PVT1: variants seen among roughly 807,000 people sequenced by gnomAD.
The protein encoded by PVT1 is Pvt1 oncogene, also known as CXCR4/PVT1 fusion.
At chr8:127,965,436 G>A (rs901489329) in intron 3 of PVT1, among the ~76,000 whole-genome samples, 1 of 152,196 alleles carries the variant, frequency 6.6e-6, no homozygotes, top group Non-Finnish European at 1.5e-5. Context: ...GTTATGATTG[G>A]TTTCTCAGGC....
chr8:128,078,793 T>G (rs969430760), intron 5 of PVT1, among the ~76,000 whole-genome samples: 3 of 152,182 alleles, frequency 2.0e-5, no homozygotes, highest in Non-Finnish European at 4.4e-5. Context: ...TTATGTCCGT[T>G]TATACCAGTG....
intron 3 of PVT1, among the ~76,000 whole-genome samples, chr8:127,973,830 A>C (rs569866701): frequency 4.6e-5 from 7 of 151,916 alleles, no homozygotes; most frequent in Non-Finnish European, 1.0e-4. Flanking sequence ...ATACAAAAAA[A>C]TTAGCCGGGC....
chr8:128,078,642 T>A (rs1814125361), intron 5 of PVT1, among the ~76,000 whole-genome samples: 2 of 151,902 alleles, frequency 1.3e-5, no homozygotes, highest in Non-Finnish European at 2.9e-5. Context: ...AATCGTAGAC[T>A]ATATATATAT....
intron 4 of PVT1, among the ~76,000 whole-genome samples, chr8:128,000,936 C>G (rs995845697): frequency 1.3e-5 from 2 of 152,218 alleles, no homozygotes; most frequent in African/African-American, 4.8e-5. Context: ...CCCCTTGTGC[C>G]TTTTCCATGT....
At chr8:128,078,264 C>T (rs1237056339) in intron 5 of PVT1, among the ~76,000 whole-genome samples, 2 of 152,176 alleles carry the variant, frequency 1.3e-5, no homozygotes, top group Non-Finnish European at 2.9e-5. Flanking sequence ...TACATAAATG[C>T]TTGCTGGGTA....
chr8:127,949,582 G>A (rs1816478624), intron 3 of PVT1, among the ~76,000 whole-genome samples: 1 of 147,316 alleles, frequency 6.8e-6, no homozygotes, highest in South Asian at 2.2e-4. Flanking sequence ...AATTGACTTT[G>A]GCTCCTGTCC....
chr8:127,855,439 C>T (rs1392166198), intron 2 of PVT1: 3 of 376,022 alleles, frequency 8.0e-6, no homozygotes, highest in Admixed American at 9.1e-5. Context: ...CTTAGAGAAA[C>T]CCTCTAGGGT....
chr8:127,826,761 A>G (rs1177561415), intron 2 of PVT1, among the ~76,000 whole-genome samples: 1 of 152,216 alleles, frequency 6.6e-6, no homozygotes, highest in East Asian at 1.9e-4. Context: ...ACTTTTTTAC[A>G]GTCCTGTTGG....
intron 3 of PVT1, among the ~76,000 whole-genome samples, chr8:127,926,354 C>T (rs575372106): frequency 1.3e-5 from 2 of 152,322 alleles, no homozygotes; most frequent in South Asian, 2.1e-4. Context: ...CCTCCCTGGA[C>T]CGGTACACTC....
At chr8:128,012,200 GGTTGGCAGAAGAGGAATAC>G (rs1219535219) in intron 4 of PVT1, among the ~76,000 whole-genome samples, 2 of 152,260 alleles carry the variant, frequency 1.3e-5, no homozygotes, top group South Asian at 2.1e-4. Context: ...GTGGTACCTT[GGTTGGCAGAAGAGGAATAC>G]ATGGGCAGAG....
intron 5 of PVT1, among the ~76,000 whole-genome samples, chr8:128,085,541 G>A (rs955562786): frequency 6.6e-6 from 1 of 152,082 alleles, no homozygotes; most frequent in African/African-American, 2.4e-5. Context: ...TAAGTTAAGA[G>A]TGATAACATA....
intron 2 of PVT1, among the ~76,000 whole-genome samples, chr8:127,886,372 T>C (rs1815524613): frequency 6.6e-6 from 1 of 152,218 alleles, no homozygotes; most frequent in Non-Finnish European, 1.5e-5. Flanking sequence ...TCACTGAATT[T>C]AGAACACTTT....
chr8:127,961,526 C>A (rs1365316373), intron 3 of PVT1, among the ~76,000 whole-genome samples: 1 of 152,134 alleles, frequency 6.6e-6, no homozygotes, highest in Non-Finnish European at 1.5e-5. Context: ...TGTGCCCCAC[C>A]CCAAGCTGGG....
chr8:127,800,294 C>G (rs747034162), intron 2 of PVT1, among the ~76,000 whole-genome samples: 3 of 152,042 alleles, frequency 2.0e-5, no homozygotes, highest in Admixed American at 2.0e-4. Flanking sequence ...TGCCTGGCAC[C>G]GTTTTAGCTG....
chr8:127,991,991 T>C (rs1354945040), intron 4 of PVT1, among the ~76,000 whole-genome samples: 17 of 151,270 alleles, frequency 1.1e-4, no homozygotes, highest in Admixed American at 1.1e-3. Context: ...ACACTTAGGG[T>C]CTACCCCAGG....
chr8:127,796,483 T>A (rs1792007814), intron 2 of PVT1, among the ~76,000 whole-genome samples: 1 of 152,178 alleles, frequency 6.6e-6, no homozygotes, highest in African/African-American at 2.4e-5. Context: ...GTTGTTTTTT[T>A]TTTCCGCCTC....
intron 3 of PVT1, among the ~76,000 whole-genome samples, chr8:127,978,987 C>A (rs969725260): frequency 6.6e-6 from 1 of 152,242 alleles, no homozygotes; most frequent in Non-Finnish European, 1.5e-5. Context: ...AGTGACCCTT[C>A]CGCCTTGGCG....
At chr8:127,868,807 A>ATATATATATACGTATATATATATG in intron 2 of PVT1, among the ~76,000 whole-genome samples, 1 of 96,546 alleles carries the variant, frequency 1.0e-5, no homozygotes, top group East Asian at 3.3e-4. Context: ...ATATATGTAC[A>ATATATATATACGTATATATATATG]TATATATATA....
chr8:127,835,687 C>T (rs1378546307), intron 2 of PVT1, among the ~76,000 whole-genome samples: 2 of 152,130 alleles, frequency 1.3e-5, no homozygotes, highest in African/African-American at 2.4e-5. Flanking sequence ...TTTTGAAATC[C>T]TGAGCAGCCT....
Sources: gnomAD v4.1 joint callset for allele counts (sites outside exome capture counted in the v4.1 genomes callset) on GRCh38, gnomAD v4.1.1 for gene constraint, MANE v1.5 for transcripts, NCBI Gene and HGNC (gene_info 2026-07-23, HGNC 2026-07-21) for gene names.